The following COL28A1 variants were observed in gnomAD, a reference collection of about 807,000 sequenced individuals.
COL28A1 encodes the protein collagen type XXVIII alpha 1 chain, also known as collagen alpha-1(XXVIII) chain.
A neutral mutation model predicts 150.2 loss-of-function variants in COL28A1; 161 were observed. That is an observed-to-expected ratio of 1.07 (90% CI 0.94 to 1.22). The LOEUF is 1.22. Among genes scored for constraint, COL28A1 ranks in the 50% most tolerant of loss-of-function variants. The probability of loss-of-function intolerance (pLI) is 0.00; values close to 1 mark genes in which losing one functional copy is unlikely to be tolerated. For missense variants in COL28A1, 1,617 were observed against 1,388.3 expected, an observed-to-expected ratio of 1.16 and a Z score of -2.62; for synonymous variants, 552 against 469.7, an observed-to-expected ratio of 1.18 and a Z score of -2.26.
chr7:7,377,969 G>A (rs1322423947), intron 30 of COL28A1, among the ~76,000 whole-genome samples: 1 of 152,080 alleles, frequency 6.6e-6, no homozygotes. Context: ...AATGACAGTG[G>A]GGCCATACTC....
At chr7:7,462,037 C>T (rs868330855) in intron 15 of COL28A1, among the ~76,000 whole-genome samples, 12 of 152,294 alleles carry the variant, frequency 7.9e-5, no homozygotes, top group East Asian at 1.9e-4. Flanking sequence ...GACCCACAGA[C>T]GGTTCACATC....
At position 7,438,080 on chromosome 7, in the gene COL28A1, C is replaced by CAA. The variant is rs113945422; in HGVS notation, c.1723-620_1723-619dup. On this transcript the variant is annotated intron_variant, in intron 21 of 34. Transcript: ENST00000399429. ...CAAAACCCCATCGCTACTAAAAATA[C>CAA]AAAAAAAAAAAAATAGCCAAAATTA... Among the ~76,000 whole-genome samples the CAA allele has an allele frequency of 5.4e-3, 710 of 132,666 alleles. 9 individuals are homozygous for CAA. The highest frequency in any genetic ancestry group is 0.03 in the East Asian group (139 of 4,644). The allele number at this position is 132,666 out of a possible 152,430, so 87.0% of individuals were successfully genotyped here. A position where few individuals can be genotyped will look rare whatever the true frequency, so the allele number is the denominator to read the frequency against.
intron 11 of COL28A1, among the ~76,000 whole-genome samples, chr7:7,505,581 T>C (rs1780764415): frequency 6.6e-6 from 1 of 152,160 alleles, no homozygotes. Flanking sequence ...TTCCCTGTAA[T>C]TAAAAAAAGC....
At chr7:7,479,616 G>C (rs1237558278) in intron 13 of COL28A1, among the ~76,000 whole-genome samples, 1 of 152,200 alleles carries the variant, frequency 6.6e-6, no homozygotes, top group African/African-American at 2.4e-5. Flanking sequence ...CCCACAGGCA[G>C]TTTTATATGC....
intron 26 of COL28A1, 147 bp from the exon 27 acceptor site, chr7:7,418,074 G>A (rs1214378430): frequency 1.7e-6 from 1 of 591,770 alleles, no homozygotes; most frequent in Non-Finnish European, 2.9e-6. Context: ...ATTTTACTTA[G>A]AGTGCTTCCC....
At chr7:7,476,111 A>G (rs1788855013) in intron 14 of COL28A1, among the ~76,000 whole-genome samples, 1 of 152,218 alleles carries the variant, frequency 6.6e-6, no homozygotes, top group Non-Finnish European at 1.5e-5. Flanking sequence ...AGAAGGCCAT[A>G]TCTTAGTCAC....
chr7:7,362,736 T>C (rs1387760023), intron 33 of COL28A1, among the ~76,000 whole-genome samples: 1 of 152,214 alleles, frequency 6.6e-6, no homozygotes, highest in Admixed American at 6.5e-5. Context: ...TGTGGATTAC[T>C]TGAGGTTCCT....
chr7:7,502,783 C>T lies in COL28A1; in HGVS notation c.1026+3231G>A, dbSNP rs553904645. On this transcript the variant is annotated intron_variant, in intron 11 of 34. Coordinates refer to ENST00000399429, the MANE Select transcript of COL28A1 (RefSeq NM_001037763.3). ...CGCGATCTCGGCTCACTGCAAGCTC[C>T]GCCTCCCAGGTTCACGCCATTCTCC... Among the ~76,000 whole-genome samples the T allele has an allele frequency of 5.5e-3, 265 of 48,178 alleles. 63 individuals carry two copies. Among genetic ancestry groups the T allele is most frequent in the African/African-American group, 0.012 (29 of 2,438 alleles). 31.6% of individuals were successfully genotyped at this position (48,178 alleles called of 152,430 possible).
At chr7:7,480,135 T>C (rs1789269513) in intron 13 of COL28A1, among the ~76,000 whole-genome samples, 1 of 152,192 alleles carries the variant, frequency 6.6e-6, no homozygotes, top group African/African-American at 2.4e-5. Flanking sequence ...TCAAGCCCAG[T>C]AGCAGAACGA....
At chr7:7,531,983 G>A (rs1782392174) in intron 2 of COL28A1, 79 bp from the exon 3 acceptor site, 1 of 821,220 alleles carries the variant, frequency 1.2e-6, no homozygotes, top group Admixed American at 2.3e-5. Context: ...CCCTGAAGTG[G>A]TGTGTTGTAT....
chr7:7,535,540 T>A (rs940408745), intron 1 of COL28A1, among the ~76,000 whole-genome samples: 21 of 152,170 alleles, frequency 1.4e-4, no homozygotes, highest in Middle Eastern at 3.4e-3. Context: ...AAATTAAAAA[T>A]CCATTTCAAA....
the COL28A1 span, among the ~76,000 whole-genome samples, chr7:7,542,307 G>C: frequency 6.6e-6 from 1 of 152,184 alleles, no homozygotes; most frequent in Non-Finnish European, 1.5e-5. Flanking sequence ...CTCCGGCCTG[G>C]CCACAGAGTG....
downstream of COL28A1, chr7:7,357,154 ATTC>A (rs1289667435): frequency 6.6e-6 from 1 of 152,130 alleles, no homozygotes. Context: ...GGGTCAAGCG[ATTC>A]TCCTGCCTCA....
At chr7:7,444,267 A>G in intron 19 of COL28A1, 151 bp downstream of exon 19, 3 of 995,072 alleles carry the variant, frequency 3.0e-6, no homozygotes, top group Non-Finnish European at 4.4e-6. Context: ...TCTCTCAGGG[A>G]GAAGTGGAAA....
chr7:7,526,238 C>T (rs1317277956), intron 3 of COL28A1, among the ~76,000 whole-genome samples: 1 of 152,160 alleles, frequency 6.6e-6, no homozygotes, highest in African/African-American at 2.4e-5. Context: ...TTGCACATTT[C>T]AGCATTCATT....
the COL28A1 span, among the ~76,000 whole-genome samples, chr7:7,345,459 A>T: frequency 3.9e-5 from 6 of 152,106 alleles, no homozygotes; most frequent in African/African-American, 1.4e-4. Flanking sequence ...TCCTTCCAGT[A>T]GATCCAAATT....
chr7:7,356,671 C>T (rs1719122368), downstream of COL28A1: 1 of 146,814 alleles, frequency 6.8e-6, no homozygotes, highest in African/African-American at 2.5e-5. Context: ...GGAAGGGGAA[C>T]ATCACACACC....
At chr7:7,490,774 G>A (rs1779874125) in intron 11 of COL28A1, 128 bp from the exon 12 acceptor site, 1 of 475,566 alleles carries the variant, frequency 2.1e-6, no homozygotes, top group Non-Finnish European at 3.7e-6. Context: ...CATCGTGCCT[G>A]CCCTCAATTG....
chr7:7,520,248 T>A, intron 5 of COL28A1, 133 bp from the exon 6 acceptor site: 1 of 524,246 alleles, frequency 1.9e-6, no homozygotes, highest in Admixed American at 3.7e-5. Context: ...AAGCAGAAAT[T>A]CAATTCTCTT....
Sources: allele counts gnomAD v4.1 joint callset (sites outside exome capture counted in the v4.1 genomes callset), GRCh38; gene constraint gnomAD v4.1.1; transcripts MANE v1.5; gene names NCBI Gene and HGNC (gene_info 2026-07-23, HGNC 2026-07-21).